The following NUCB1 variants were observed in gnomAD, a reference collection of about 807,000 sequenced individuals.
NUCB1 encodes nucleobindin 1, also known as nucleobindin-1.
Under a neutral mutation model 61.2 loss-of-function variants are expected in NUCB1, and 47 were observed. The observed-to-expected ratio is 0.77, with a 90% CI of 0.61 to 0.98. NUCB1 has a LOEUF of 0.98. NUCB1 is among the 50% of genes least tolerant of loss of function. The pLI, the probability that NUCB1 is intolerant of heterozygous loss-of-function variation, is 0.00. For missense variants in NUCB1, 583 were observed against 605.3 expected (o/e 0.96, Z 0.39); for synonymous variants, 234 against 243.1 (o/e 0.96, Z 0.35).
intron 11 of NUCB1, 90 bp downstream of exon 11, chr19:48,921,414 T>C: frequency 7.1e-7 from 1 of 1,404,698 alleles, no homozygotes; most frequent in Non-Finnish European, 9.8e-7. Context: ...GGAAGGCCTG[T>C]GGCCACCATG....
chr19:48,918,718 C>G lies in NUCB1; in HGVS notation c.758-8C>G. On this transcript the variant is annotated splice_region_variant and splice_polypyrimidine_tract_variant and intron_variant, in intron 7 of 12. Coordinates refer to ENST00000405315, the MANE Select transcript of NUCB1 (RefSeq NM_006184.6). ...CCCTGAGATACCTTGCTATCCTCTT[C>G]CCTTCAGATATCAACAGTGATGGTG... is the stretch of plus-strand genomic sequence containing the variant. 1 of 1,612,156 alleles carries G rather than the reference C, an allele frequency of 6.2e-7. No individual in the cohort carries two copies. The highest frequency in any genetic ancestry group is 8.5e-7 in the Non-Finnish European group (1 of 1,178,142).
intron 7 of NUCB1, among the ~76,000 whole-genome samples, chr19:48,917,011 G>C (rs2037547811): frequency 6.6e-6 from 1 of 151,836 alleles, no homozygotes; most frequent in Non-Finnish European, 1.5e-5. Context: ...CTTGAGACCA[G>C]GAGTTCAAGA....
intron 12 of NUCB1, 73 bp from the exon 13 acceptor site, chr19:48,922,245 G>T (rs2037619294): frequency 7.8e-7 from 1 of 1,277,532 alleles, no homozygotes; most frequent in South Asian, 1.2e-5. Context: ...GGGAGGAGGG[G>T]CTGGGCCTCT....
At chr19:48,918,592 G>A (rs2037566967) in intron 7 of NUCB1, 134 bp from the exon 8 acceptor site, 1 of 729,114 alleles carries the variant, frequency 1.4e-6, no homozygotes, top group Non-Finnish European at 2.5e-6. Context: ...GGGGGCCACC[G>A]TTCCACCGCG....
chr19:48,908,844 C>A (rs73063526), intron 4 of NUCB1, among the ~76,000 whole-genome samples: 15,835 of 151,822 alleles, frequency 0.1, 1,157 homozygotes, highest in Non-Finnish European at 0.16. Flanking sequence ...ACAGCGCAGG[C>A]CTGGGCCCCT....
At chr19:48,917,994 C>T (rs1012484467) in intron 7 of NUCB1, among the ~76,000 whole-genome samples, 4 of 152,112 alleles carry the variant, frequency 2.6e-5, no homozygotes, top group South Asian at 2.1e-4. Flanking sequence ...ATGTGGCTAG[C>T]GGCTACTGTA....
chr19:48,912,050 C>T (rs1175139125), intron 5 of NUCB1, among the ~76,000 whole-genome samples: 16 of 143,878 alleles, frequency 1.1e-4, no homozygotes, highest in Non-Finnish European at 2.1e-4. Flanking sequence ...CCTGAGACAG[C>T]GTCTTGCTCT....
In NUCB1 at chr19:48,922,426, C is replaced by T. The variant is rs755339454; in HGVS notation, c.*2C>T. On this transcript the variant is annotated 3_prime_UTR_variant, in exon 13 of 13. Coordinates refer to ENST00000405315, the MANE Select transcript of NUCB1 (RefSeq NM_006184.6). Reference sequence around the variant, plus strand: ...GTTGAGGTGCCCCAGCATCTGTGATCCTCCGGGACCCCAGCCCTCAGGATT... The same window carrying T: ...GTTGAGGTGCCCCAGCATCTGTGATTCTCCGGGACCCCAGCCCTCAGGATT... 1.2e-6 allele frequency: 2 copies of T among 1,610,522 alleles called. No homozygotes were observed. The highest frequency in any genetic ancestry group is 1.7e-6 in the Non-Finnish European group (2 of 1,176,884).
intron 7 of NUCB1, among the ~76,000 whole-genome samples, chr19:48,917,195 C>G (rs2037550554): frequency 6.6e-6 from 1 of 152,030 alleles, no homozygotes; most frequent in East Asian, 1.9e-4. Flanking sequence ...TGCACTCCAG[C>G]CTGGGTGACA....
At chr19:48,907,357 C>A (rs1440081119) in intron 4 of NUCB1, among the ~76,000 whole-genome samples, 1 of 144,164 alleles carries the variant, frequency 6.9e-6, no homozygotes, top group African/African-American at 2.6e-5. Flanking sequence ...CTCACTGCAA[C>A]CTCCGCCTCC....
At chr19:48,912,019 CTTT>C (rs60333122) in intron 5 of NUCB1, among the ~76,000 whole-genome samples, 26 of 128,574 alleles carry the variant, frequency 2.0e-4, no homozygotes, top group Admixed American at 4.8e-4. Flanking sequence ...TTTATTTTTA[CTTT>C]TTTTTTTTTT....
chr19:48,915,308 GTC>G (rs1248557112), intron 7 of NUCB1, among the ~76,000 whole-genome samples: 2 of 146,572 alleles, frequency 1.4e-5, no homozygotes, highest in East Asian at 4.1e-4. Flanking sequence ...GCAAAACCCA[GTC>G]TCTACTAAAA....
intron 7 of NUCB1, chr19:48,918,461 A>ATG: frequency 1.1e-5 from 5 of 447,896 alleles, no homozygotes; most frequent in Middle Eastern, 5.9e-4. Flanking sequence ...GGGCCAGAGA[A>ATG]TCCTGCATGA....
chr19:48,913,710 C>A, intron 7 of NUCB1, 146 bp downstream of exon 7: 3 of 645,340 alleles, frequency 4.6e-6, no homozygotes, highest in South Asian at 1.9e-5. Flanking sequence ...GACCAGACAG[C>A]CCTGCCTCTC....
Position 48,922,763 on chromosome 19 carries a change from G to T in NUCB1, c.*339G>T. ...TGCTCTGAGCCTGCGTTCCTAGGTG[G>T]CTCGGCCTCAGCTGCCTGGGTTGTG... is the stretch of plus-strand genomic sequence containing the variant. On this transcript the variant is annotated 3_prime_UTR_variant, in exon 13 of 13. Transcript: ENST00000405315. The T allele has an allele frequency of 4.2e-6, 1 of 239,274 alleles. No individual in the cohort carries two copies. The highest frequency in any genetic ancestry group is 8.4e-6 in the Non-Finnish European group (1 of 119,570). The allele number at this position is 239,274 out of a possible 1,614,324, so 14.8% of individuals were successfully genotyped here.
Position 48,914,188 on chromosome 19 carries a change from C to A in NUCB1, c.757+624C>A, listed in dbSNP as rs186390223. Among the ~76,000 whole-genome samples the A allele has an allele frequency of 1.3e-3, 200 of 152,120 alleles. 1 individual carries two copies. Among genetic ancestry groups the A allele is most frequent in the Non-Finnish European group, 2.3e-3 (156 of 67,992 alleles). On this transcript the variant is annotated intron_variant, in intron 7 of 12. Transcript: ENST00000405315. ...ATGGGGTTTCACCATGTTGGCCAGG[C>A]TGGTCTCGAACTCCCAACCTCGTGT...
intron 4 of NUCB1, among the ~76,000 whole-genome samples, chr19:48,907,202 T>C (rs2037421824): frequency 6.6e-6 from 1 of 151,606 alleles, no homozygotes; most frequent in Non-Finnish European, 1.5e-5. Context: ...TCTTGATCTC[T>C]AACCTCGTGA....
intron 2 of NUCB1, 80 bp downstream of exon 2, chr19:48,901,011 G>A (rs148598236): frequency 3.3e-6 from 5 of 1,532,740 alleles, no homozygotes; most frequent in East Asian, 2.3e-5. Context: ...CCCGTAGGGC[G>A]GATGCTCCAG....
intron 7 of NUCB1, chr19:48,918,399 G>C (rs1029114664): frequency 1.6e-5 from 4 of 255,080 alleles, no homozygotes; most frequent in African/African-American, 8.9e-5. Context: ...CTGGGAGGCA[G>C]AGGTCCCTGA....
Sources: allele counts gnomAD v4.1 joint callset (sites outside exome capture counted in the v4.1 genomes callset), GRCh38; gene constraint gnomAD v4.1.1; transcripts MANE v1.5; gene names NCBI Gene and HGNC (gene_info 2026-07-23, HGNC 2026-07-21).